Variants in TAF1B observed in about 807,000 individuals in gnomAD.
The protein encoded by TAF1B is TATA box-binding protein-associated factor RNA polymerase I subunit B.
In TAF1B, 61 loss-of-function variants were observed where a neutral mutation model predicts 83.9. The observed-to-expected ratio is 0.73, with a 90% CI of 0.59 to 0.90. TAF1B has a LOEUF of 0.90. Among genes scored for constraint, TAF1B ranks in the 40% least tolerant of loss-of-function variants. The pLI is 0.00. For synonymous variants in TAF1B, 221 were observed against 224.6 expected, an observed-to-expected ratio of 0.98 and a Z score of 0.14; for missense variants, 625 against 677.0, an observed-to-expected ratio of 0.92 and a Z score of 0.85.
intron 5 of TAF1B, among the ~76,000 whole-genome samples, chr2:9,855,376 A>G (rs1201676687): frequency 6.6e-6 from 1 of 152,168 alleles, no homozygotes; most frequent in Non-Finnish European, 1.5e-5. Context: ...AGCTGAAACT[A>G]TCATTAAGTT....
chr2:9,910,753 A>T lies in TAF1B; in HGVS notation c.973A>T (p.Thr325Ser), dbSNP rs1341530430. The T allele has an allele frequency of 6.2e-7, 1 of 1,611,310 alleles. No individual in the cohort carries two copies. Among genetic ancestry groups the T allele is most frequent in the Non-Finnish European group, 8.5e-7 (1 of 1,178,668 alleles). ...VNLPDEMHSL[T>S]CHVVKMTGMG... ...TTCTTCAGATGAAATGCATAGCTTA[A>T]CTTGCCACGTGGTAAAAATGACTGG... is the stretch of plus-strand genomic sequence containing the variant. The change falls in exon 10 of 15, where the codon ACT becomes TCT. Residue 325 changes from threonine (T) to serine (S), a missense_variant. Coordinates refer to ENST00000263663, the MANE Select transcript of TAF1B (RefSeq NM_005680.3).
chr2:9,902,412 A>C (rs1051258616), intron 8 of TAF1B, among the ~76,000 whole-genome samples: 5 of 152,110 alleles, frequency 3.3e-5, no homozygotes, highest in Non-Finnish European at 5.9e-5. Flanking sequence ...GTCATGTCCT[A>C]CCCACCCTTA....
intron 8 of TAF1B, among the ~76,000 whole-genome samples, chr2:9,899,737 AAGG>A (rs1283187013): frequency 2.6e-5 from 4 of 152,234 alleles, no homozygotes; most frequent in Admixed American, 2.6e-4. Context: ...AAGTACAAAG[AAGG>A]AGATGAAAAT....
chr2:9,921,261 T>C (rs1665870378), intron 14 of TAF1B, among the ~76,000 whole-genome samples: 1 of 152,060 alleles, frequency 6.6e-6, no homozygotes, highest in African/African-American at 2.4e-5. Context: ...CCAGCTAATT[T>C]TTTATTTTTT....
intron 8 of TAF1B, among the ~76,000 whole-genome samples, chr2:9,884,957 A>G (rs1333313724): frequency 1.3e-5 from 2 of 152,216 alleles, no homozygotes; most frequent in Non-Finnish European, 1.5e-5. Context: ...CTGAGATAAA[A>G]TGTTATGGTA....
intron 4 of TAF1B, chr2:9,851,973 G>A: frequency 2.0e-6 from 1 of 492,380 alleles, no homozygotes; most frequent in Non-Finnish European, 4.1e-6. Context: ...TCCAGGGAAT[G>A]TCCTGTGTGT....
At chr2:9,845,476 G>A (rs1183818156) in intron 2 of TAF1B, 158 bp downstream of exon 2, 2 of 549,426 alleles carry the variant, frequency 3.6e-6, no homozygotes, top group African/African-American at 1.9e-5. Context: ...TTACACATAG[G>A]TTAAGGGATT....
chr2:9,921,409 T>C (rs928037146), intron 14 of TAF1B, among the ~76,000 whole-genome samples: 30 of 152,294 alleles, frequency 2.0e-4, no homozygotes, highest in African/African-American at 7.0e-4. Flanking sequence ...TTCATATGAC[T>C]CAGAAAATTT....
intron 9 of TAF1B, 80 bp from the exon 10 acceptor site, chr2:9,910,656 A>G (rs964517151): frequency 2.3e-6 from 3 of 1,293,016 alleles, no homozygotes; most frequent in Admixed American, 2.4e-5. Flanking sequence ...GTGTTTTAAG[A>G]TAAAGGTTAT....
chr2:9,866,482 TTGG>T (rs1466046037), intron 5 of TAF1B, among the ~76,000 whole-genome samples: 1 of 152,048 alleles, frequency 6.6e-6, no homozygotes. Flanking sequence ...TTTTACACTG[TTGG>T]TGGGACTGTA....
chr2:9,899,617 T>C (rs1292048074), intron 8 of TAF1B, among the ~76,000 whole-genome samples: 1 of 152,178 alleles, frequency 6.6e-6, no homozygotes, highest in Non-Finnish European at 1.5e-5. Context: ...GTGGATCATA[T>C]AGTAAGTCTA....
At position 9,904,948 on chromosome 2, in the gene TAF1B, C is replaced by T; in HGVS notation, c.897C>T (p.Asp299=). 1 of 1,612,018 alleles carries T rather than the reference C, an allele frequency of 6.2e-7. No homozygotes were observed. The highest frequency in any genetic ancestry group is 8.5e-7 in the Non-Finnish European group (1 of 1,178,140). Residue 299 remains aspartate, a synonymous_variant, in exon 9 of 15, where the codon GAC becomes GAT. Coordinates refer to ENST00000263663, the MANE Select transcript of TAF1B (RefSeq NM_005680.3). ...CTCGTTTTCCAGACATAACTGAAGA[C>T]TGCTATCTTCATCCCAACATACTGT... is the stretch of plus-strand genomic sequence containing the variant. The part of the protein sequence containing the change: ...DLPRFPDITE[D]CYLHPNILCM...
At chr2:9,859,815 C>T (rs562890836) in intron 5 of TAF1B, among the ~76,000 whole-genome samples, 5 of 152,344 alleles carry the variant, frequency 3.3e-5, no homozygotes, top group African/African-American at 1.2e-4. Flanking sequence ...TCCAAAGTTG[C>T]TTCCACATTT....
At chr2:9,850,025 A>ATGTGTG (rs1214773230) in intron 3 of TAF1B, among the ~76,000 whole-genome samples, 4 of 119,008 alleles carry the variant, frequency 3.4e-5, no homozygotes, top group African/African-American at 1.4e-4. Flanking sequence ...ATATATATAT[A>ATGTGTG]TATGTGTGTG....
Position 9,862,893 on chromosome 2 carries a change from C to T in TAF1B, c.400-5383C>T, listed in dbSNP as rs1023010168. Among the ~76,000 whole-genome samples the T allele has an allele frequency of 2.6e-5, 4 of 152,242 alleles. No homozygotes were observed. In the South Asian group the frequency reaches 6.2e-4, roughly 24 times the overall value. The stretch of plus-strand genomic sequence containing the variant: ...AAAATACTTTACAGACAAGCAAATG[C>T]TGAGAGATTTTGTCACCACCAGGCC... On this transcript the variant is annotated intron_variant, in intron 5 of 14. Coordinates refer to ENST00000263663, the MANE Select transcript of TAF1B (RefSeq NM_005680.3).
intron 5 of TAF1B, among the ~76,000 whole-genome samples, chr2:9,855,682 C>CA (rs890059001): frequency 1.1e-4 from 17 of 149,838 alleles, no homozygotes; most frequent in East Asian, 5.9e-4. Flanking sequence ...AGACTTGTCT[C>CA]AAAAAAAAAG....
intron 8 of TAF1B, among the ~76,000 whole-genome samples, chr2:9,887,741 A>G (rs996900892): frequency 6.6e-6 from 1 of 152,162 alleles, no homozygotes; most frequent in Admixed American, 6.5e-5. Flanking sequence ...AATTATCAGT[A>G]TAGTTGGGTT....
rs772297127 is a variant in TAF1B at position 9,919,840 on chromosome 2, A to G, written c.1565+20A>G. 6.2e-7 allele frequency: 1 copy of G among 1,601,558 alleles called. No homozygotes were observed. The highest frequency in any genetic ancestry group is 1.7e-5 in the Admixed American group (1 of 58,964). On this transcript the variant is annotated intron_variant, in intron 14 of 14. Coordinates refer to ENST00000263663, the MANE Select transcript of TAF1B (RefSeq NM_005680.3). ...CAGATGGTAATAATGCTTTTAGAAAAAGTCACATATAATTGAAGTAGTTGA... is the reference window on the plus strand; with the variant it reads ...CAGATGGTAATAATGCTTTTAGAAAGAGTCACATATAATTGAAGTAGTTGA...
At chr2:9,857,227 C>T (rs573270909) in intron 5 of TAF1B, among the ~76,000 whole-genome samples, 4 of 152,250 alleles carry the variant, frequency 2.6e-5, no homozygotes, top group Non-Finnish European at 5.9e-5. Context: ...AATGCAGATA[C>T]GCATTTTAAG....
Sources: allele counts gnomAD v4.1 joint callset (sites outside exome capture counted in the v4.1 genomes callset), GRCh38; gene constraint gnomAD v4.1.1; transcripts MANE v1.5; gene names NCBI Gene and HGNC (gene_info 2026-07-23, HGNC 2026-07-21).